SERINC5: variants seen among roughly 807,000 people sequenced by gnomAD.
SERINC5 encodes serine incorporator 5, also known as chromosome 5 open reading frame 12.
SERINC5 carries 41 observed loss-of-function variants against 63.1 expected under a neutral mutation model. The observed-to-expected ratio is 0.65, with a 90% CI of 0.51 to 0.84. The LOEUF (loss-of-function observed/expected upper bound fraction) is 0.84, where lower values mean the gene tolerates loss of function less well. SERINC5 is among the 40% of genes least tolerant of loss of function. SERINC5 has a pLI of 0.00. For missense variants in SERINC5, 523 were observed against 573.0 expected (o/e 0.91, Z 0.89); for synonymous variants, 222 against 215.2 (o/e 1.03, Z -0.28).
intron 1 of SERINC5, among the ~76,000 whole-genome samples, chr5:80,227,343 G>A (rs1182623498): frequency 6.6e-6 from 1 of 152,136 alleles, no homozygotes; most frequent in Non-Finnish European, 1.5e-5. Flanking sequence ...TGAGAAAACT[G>A]AGGTCTCTCC....
At chr5:80,189,615 AC>A (rs1349545863) in intron 2 of SERINC5, among the ~76,000 whole-genome samples, 2 of 152,244 alleles carry the variant, frequency 1.3e-5, no homozygotes, top group African/African-American at 2.4e-5. Context: ...TAAAGAGAGG[AC>A]TAAATGCTGA....
intron 8 of SERINC5, among the ~76,000 whole-genome samples, chr5:80,154,673 C>T (rs971910931): frequency 7.2e-5 from 11 of 151,810 alleles, no homozygotes; most frequent in Non-Finnish European, 1.6e-4. Flanking sequence ...TAATGTAGAA[C>T]AATCCCCTCG....
intron 1 of SERINC5, among the ~76,000 whole-genome samples, chr5:80,223,488 C>T (rs141974954): frequency 1.0e-3 from 158 of 152,154 alleles, no homozygotes; most frequent in African/African-American, 3.7e-3. Context: ...GACACAGAAT[C>T]CACGGATACA....
At chr5:80,230,445 CAAA>C (rs72476401) in intron 1 of SERINC5, among the ~76,000 whole-genome samples, 11 of 93,152 alleles carry the variant, frequency 1.2e-4, no homozygotes, top group South Asian at 3.0e-4. Context: ...AAGACTGTCA[CAAA>C]AAAAAAAAAA....
At chr5:80,232,383 G>A (rs1288555498) in intron 1 of SERINC5, among the ~76,000 whole-genome samples, 4 of 144,706 alleles carry the variant, frequency 2.8e-5, no homozygotes, top group African/African-American at 7.8e-5. Context: ...CAGCCTGGGC[G>A]ACAGAGTGAG....
In SERINC5 at chr5:80,202,852, G is replaced by A. The variant is rs759964610; in HGVS notation, c.195+34C>T. 25 of 1,579,354 alleles carry A rather than the reference G, an allele frequency of 1.6e-5. No homozygotes were observed. In the East Asian group the frequency reaches 1.6e-4, roughly 10 times the overall value. ...TTCCCACACACCCTCATCAAACATC[G>A]GAAATAGGACGAGCTGAACACGGAC... On this transcript the variant is annotated intron_variant, in intron 2 of 11. Transcript: ENST00000507668.
intron 5 of SERINC5, among the ~76,000 whole-genome samples, chr5:80,172,797 C>T (rs377066436): frequency 6.6e-6 from 1 of 152,120 alleles, no homozygotes; most frequent in African/African-American, 2.4e-5. Context: ...CTGGTTTGTG[C>T]GTGGGAGACG....
downstream of SERINC5, among the ~76,000 whole-genome samples, chr5:80,136,437 G>A (rs1370043500): frequency 2.0e-5 from 3 of 152,198 alleles, no homozygotes; most frequent in Non-Finnish European, 4.4e-5. Flanking sequence ...ACAACAATGG[G>A]AGAAGGAATG....
chr5:80,111,333 G>T (rs938977253), downstream of SERINC5, among the ~76,000 whole-genome samples: 11 of 152,172 alleles, frequency 7.2e-5, no homozygotes, highest in Non-Finnish European at 1.3e-4. Flanking sequence ...TTGGTTTAGA[G>T]AGGGGAGGGG....
downstream of SERINC5, among the ~76,000 whole-genome samples, chr5:80,133,806 G>C (rs1453561942): frequency 6.6e-6 from 1 of 152,180 alleles, no homozygotes; most frequent in Non-Finnish European, 1.5e-5. Flanking sequence ...CTAAAGACTT[G>C]GGATGGGGTT....
chr5:80,198,984 C>A (rs767479824), intron 2 of SERINC5, among the ~76,000 whole-genome samples: 2 of 152,204 alleles, frequency 1.3e-5, no homozygotes, highest in Non-Finnish European at 2.9e-5. Flanking sequence ...CACCCTGTGC[C>A]CACTGCCACC....
At chr5:80,184,829 T>C (rs1023154376) in intron 2 of SERINC5, among the ~76,000 whole-genome samples, 2 of 152,188 alleles carry the variant, frequency 1.3e-5, no homozygotes, top group African/African-American at 4.8e-5. Flanking sequence ...CTCTTAAGTC[T>C]GGCTCTGGGC....
chr5:80,223,446 A>C lies in SERINC5; in HGVS notation c.28-20393T>G, dbSNP rs1465720094. Among the ~76,000 whole-genome samples, 4 of 151,904 alleles carry C rather than the reference A, an allele frequency of 2.6e-5. No homozygotes were observed. In the East Asian group the frequency reaches 7.7e-4, roughly 29 times the overall value. On this transcript the variant is annotated intron_variant, in intron 1 of 11. Coordinates refer to ENST00000507668, the MANE Select transcript of SERINC5 (RefSeq NM_001174072.3). ...TTTTTATTGTTTTGTTTTTTTCCCC[A>C]AATATTTTTGATCCATGGTTTGTTC... is the stretch of plus-strand genomic sequence containing the variant.
intron 2 of SERINC5, among the ~76,000 whole-genome samples, chr5:80,195,247 T>C (rs979112296): frequency 1.3e-5 from 2 of 150,882 alleles, no homozygotes; most frequent in Admixed American, 6.6e-5. Context: ...GATCATGCCA[T>C]TGCACTCCAG....
chr5:80,221,999 T>C (rs1230699201), intron 1 of SERINC5, among the ~76,000 whole-genome samples: 1 of 151,854 alleles, frequency 6.6e-6, no homozygotes, highest in Non-Finnish European at 1.5e-5. Flanking sequence ...TTTTCTTAAT[T>C]AGCTAGGCGT....
chr5:80,237,316 T>A (rs908775655), intron 1 of SERINC5, among the ~76,000 whole-genome samples: 2 of 151,354 alleles, frequency 1.3e-5, no homozygotes, highest in Non-Finnish European at 2.9e-5. Flanking sequence ...AATGAAATGC[T>A]AAGAAGAGAA....
intron 4 of SERINC5, among the ~76,000 whole-genome samples, chr5:80,175,641 G>A (rs1424791194): frequency 6.6e-6 from 1 of 152,014 alleles, no homozygotes; most frequent in East Asian, 1.9e-4. Flanking sequence ...GGCTGAGGCA[G>A]GGGGATCACT....
At chr5:80,252,634 T>G (rs2112620779) in intron 1 of SERINC5, among the ~76,000 whole-genome samples, 1 of 152,314 alleles carries the variant, frequency 6.6e-6, no homozygotes, top group African/African-American at 2.4e-5. Context: ...TGCAGATGGG[T>G]AATGGCCACT....
At chr5:80,120,771 G>T (rs1744510877) in intron 11 of SERINC5, among the ~76,000 whole-genome samples, 1 of 152,102 alleles carries the variant, frequency 6.6e-6, no homozygotes, top group Non-Finnish European at 1.5e-5. Context: ...CCGAGTTTCA[G>T]GCTGCACTCC....
Sources: allele counts gnomAD v4.1 joint callset (sites outside exome capture counted in the v4.1 genomes callset), GRCh38; gene constraint gnomAD v4.1.1; transcripts MANE v1.5; gene names NCBI Gene and HGNC (gene_info 2026-07-23, HGNC 2026-07-21).